The following PRKAG2 variants were observed in gnomAD, a reference collection of about 807,000 sequenced individuals.
PRKAG2 encodes protein kinase AMP-activated non-catalytic subunit gamma 2, also known as 5'-AMP-activated protein kinase subunit gamma-2.
PRKAG2 carries 26 observed loss-of-function variants against 69.6 expected under a neutral mutation model. That is an observed-to-expected ratio of 0.37 (90% CI 0.27 to 0.52). PRKAG2 has a LOEUF of 0.52. Among genes scored for constraint, PRKAG2 ranks in the 20% least tolerant of loss-of-function variants. The pLI is 0.90. For synonymous variants in PRKAG2, 293 were observed against 285.0 expected (o/e 1.03, Z -0.28); for missense variants, 557 against 740.0 (o/e 0.75, Z 2.87).
intron 13 of PRKAG2, 76 bp downstream of exon 13, chr7:151,565,270 A>G (rs2150993365): frequency 8.7e-7 from 1 of 1,150,282 alleles, no homozygotes; most frequent in East Asian, 2.8e-5. Context: ...GAAACAAGAT[A>G]AAAACATAAA....
At chr7:151,761,211 T>C (rs1387365476) in intron 3 of PRKAG2, among the ~76,000 whole-genome samples, 1 of 152,168 alleles carries the variant, frequency 6.6e-6, no homozygotes, top group Non-Finnish European at 1.5e-5. Flanking sequence ...GCAAGGATGA[T>C]ACTAGCCCTT....
intron 6 of PRKAG2, among the ~76,000 whole-genome samples, chr7:151,590,778 A>G (rs921520577): frequency 6.6e-6 from 1 of 152,246 alleles, no homozygotes; most frequent in African/African-American, 2.4e-5. Context: ...ATGTATGGGA[A>G]TAGGTGCTAG....
chr7:151,853,363 G>A (rs1303760004), intron 1 of PRKAG2, among the ~76,000 whole-genome samples: 4 of 152,146 alleles, frequency 2.6e-5, no homozygotes, highest in African/African-American at 9.7e-5. Flanking sequence ...AAACTCAGCT[G>A]CTTAAAAATA....
intron 1 of PRKAG2, among the ~76,000 whole-genome samples, chr7:151,833,626 C>T (rs998644864): frequency 6.6e-6 from 1 of 152,210 alleles, no homozygotes. Flanking sequence ...AGCCCCAGCA[C>T]CAGCCAAGAT....
At position 151,647,848 on chromosome 7, in the gene PRKAG2, G is replaced by A. The variant is rs189691240; in HGVS notation, c.685-15710C>T. ...GGCTGCAGGAGAGCCTGGAGTCAGCGGGGACATTGAAGACGTCTTTACAAT... is the reference window on the plus strand; with the variant it reads ...GGCTGCAGGAGAGCCTGGAGTCAGCAGGGACATTGAAGACGTCTTTACAAT... On this transcript the variant is annotated intron_variant, in intron 4 of 15. Transcript: ENST00000287878. Among the ~76,000 whole-genome samples the A allele has an allele frequency of 1.6e-3, 239 of 152,284 alleles. 1 individual carries two copies. Among genetic ancestry groups the A allele is most frequent in the African/African-American group, 5.3e-3 (222 of 41,562 alleles).
chr7:151,792,397 C>T (rs775864272), intron 1 of PRKAG2, among the ~76,000 whole-genome samples: 13 of 152,230 alleles, frequency 8.5e-5, no homozygotes, highest in East Asian at 5.8e-4. Context: ...CTCCTGCCCC[C>T]GGCCCGCTAC....
chr7:151,620,961 G>A (rs1019720993), intron 5 of PRKAG2, among the ~76,000 whole-genome samples: 2 of 150,802 alleles, frequency 1.3e-5, no homozygotes, highest in African/African-American at 4.9e-5. Context: ...TACCTGAGCC[G>A]CCCACCTTGG....
intron 3 of PRKAG2, among the ~76,000 whole-genome samples, chr7:151,723,878 A>G (rs567252964): frequency 1.3e-5 from 2 of 152,290 alleles, no homozygotes; most frequent in South Asian, 4.2e-4. Flanking sequence ...CTTTGGGTCC[A>G]TGTTTCAGCC....
intron 3 of PRKAG2, among the ~76,000 whole-genome samples, chr7:151,768,471 C>CT (rs34924001): frequency 2.6e-5 from 4 of 151,524 alleles, no homozygotes; most frequent in Non-Finnish European, 4.4e-5. Flanking sequence ...TTCTTTCTTT[C>CT]TTTTTTTTTC....
At chr7:151,675,669 T>C in intron 3 of PRKAG2, 32 bp from the exon 4 acceptor site, 1 of 1,580,516 alleles carries the variant, frequency 6.3e-7, no homozygotes. Context: ...CGGTCAGAGG[T>C]CCGGCTTCCA....
chr7:151,862,598 G>A (rs2079959269), intron 1 of PRKAG2, among the ~76,000 whole-genome samples: 1 of 152,188 alleles, frequency 6.6e-6, no homozygotes, highest in Non-Finnish European at 1.5e-5. Flanking sequence ...CCTCAGGGCT[G>A]GGACATGACA....
chr7:151,822,135 A>G (rs1207754727), intron 1 of PRKAG2, among the ~76,000 whole-genome samples: 2 of 152,190 alleles, frequency 1.3e-5, no homozygotes, highest in Non-Finnish European at 2.9e-5. Flanking sequence ...AAGGTAGGAA[A>G]TGGCAGAAAG....
intron 4 of PRKAG2, among the ~76,000 whole-genome samples, chr7:151,665,524 T>C (rs937735497): frequency 3.9e-5 from 6 of 152,190 alleles, no homozygotes; most frequent in Non-Finnish European, 7.3e-5. Context: ...GCTGGGAGAA[T>C]AGACACACTC....
intron 1 of PRKAG2, among the ~76,000 whole-genome samples, chr7:151,802,781 C>G (rs1329095632): frequency 6.6e-6 from 1 of 152,006 alleles, no homozygotes; most frequent in African/African-American, 2.4e-5. Context: ...CCTCTCCTTT[C>G]TCCCACACCG....
intron 1 of PRKAG2, among the ~76,000 whole-genome samples, chr7:151,813,416 C>T (rs1311849756): frequency 1.3e-5 from 2 of 151,662 alleles, no homozygotes; most frequent in African/African-American, 2.4e-5. Flanking sequence ...CACTCCTAAT[C>T]ACCAGCACTC....
chr7:151,757,370 C>T (rs556233886), intron 3 of PRKAG2, among the ~76,000 whole-genome samples: 1 of 152,298 alleles, frequency 6.6e-6, no homozygotes, highest in South Asian at 2.1e-4. Context: ...ATAAACTTCT[C>T]TGAAAGACTC....
At chr7:151,609,309 T>A (rs553694791) in intron 5 of PRKAG2, among the ~76,000 whole-genome samples, 1,939 of 102,166 alleles carry the variant, frequency 0.019, 29 homozygotes, top group African/African-American at 0.087. Flanking sequence ...AGAATTTATA[T>A]AAAAAAAATG....
intron 3 of PRKAG2, among the ~76,000 whole-genome samples, chr7:151,692,197 A>C (rs1382931138): frequency 6.6e-6 from 1 of 152,162 alleles, no homozygotes; most frequent in African/African-American, 2.4e-5. Context: ...CAAAACAACA[A>C]AAAAACAAAA....
intron 1 of PRKAG2, among the ~76,000 whole-genome samples, chr7:151,872,670 C>A (rs1401317233): frequency 6.6e-6 from 1 of 152,248 alleles, no homozygotes. Context: ...CTGGACCCCT[C>A]CTGGGTTGAG....
Sources: gnomAD v4.1 joint callset for allele counts (sites outside exome capture counted in the v4.1 genomes callset) on GRCh38, gnomAD v4.1.1 for gene constraint, MANE v1.5 for transcripts, NCBI Gene and HGNC (gene_info 2026-07-23, HGNC 2026-07-21) for gene names.